The following EXD3 variants were observed in gnomAD, a reference collection of about 807,000 sequenced individuals.
EXD3 encodes the protein exonuclease mut-7 homolog.
EXD3 carries 92 observed loss-of-function variants against 98.0 expected under a neutral mutation model. The observed-to-expected ratio is 0.94, with a 90% CI of 0.79 to 1.12. The LOEUF (loss-of-function observed/expected upper bound fraction) is 1.12. Ranked by LOEUF, EXD3 falls within the 50% of genes most tolerant of loss-of-function variation. The probability of loss-of-function intolerance (pLI) is 0.00; values close to 1 mark genes in which losing one functional copy is unlikely to be tolerated. For synonymous variants in EXD3, 569 were observed against 526.0 expected (o/e 1.08, Z -1.12); for missense variants, 1,222 against 1,191.6 (o/e 1.03, Z -0.38).
At chr9:137,355,131 C>T (rs1834555692) in intron 8 of EXD3, among the ~76,000 whole-genome samples, 1 of 152,206 alleles carries the variant, frequency 6.6e-6, no homozygotes, top group Non-Finnish European at 1.5e-5. Context: ...ACAGAGCCGG[C>T]TGCTCACTGT....
At position 137,385,415 on chromosome 9, in the gene EXD3, C is replaced by T. The variant is rs1446515390; in HGVS notation, c.56-2038G>A. ...TGGCTGGCGATGGGGCCAGGGTGGGCTGGGCGGGGCGTGCTGTGGTGTGTT... is the reference window on the plus strand; with the variant it reads ...TGGCTGGCGATGGGGCCAGGGTGGGTTGGGCGGGGCGTGCTGTGGTGTGTT... On this transcript the variant is annotated intron_variant, in intron 2 of 21. Transcript: ENST00000340951. This position sits in a 1 kb window ranked among gnomAD's most constrained non-coding sequence, Gnocchi z 4.4. 7.1e-6 allele frequency among the ~76,000 whole-genome samples: 1 copy of T among 140,486 alleles called. No homozygotes were observed. Among genetic ancestry groups the T allele is most frequent in the Non-Finnish European group, 1.6e-5 (1 of 63,934 alleles). The allele number at this position is 140,486 out of a possible 152,430, so 92.2% of individuals were successfully genotyped here. A position where few individuals can be genotyped will look rare whatever the true frequency, so the allele number is the denominator to read the frequency against.
At chr9:137,367,399 G>A (rs1835318302) in intron 6 of EXD3, among the ~76,000 whole-genome samples, 2 of 152,130 alleles carry the variant, frequency 1.3e-5, no homozygotes, top group African/African-American at 2.4e-5. Flanking sequence ...TCTGCCCGAG[G>A]GGTGCTCACT....
intron 17 of EXD3, among the ~76,000 whole-genome samples, chr9:137,337,837 G>T (rs1833441946): frequency 6.6e-6 from 1 of 151,418 alleles, no homozygotes; most frequent in Admixed American, 6.6e-5. Flanking sequence ...GCCCAGGCTG[G>T]AGTGCAGTGA....
chr9:137,418,733 G>A (rs78993391), intron 1 of EXD3, among the ~76,000 whole-genome samples: 1,615 of 151,546 alleles, frequency 0.011, 45 homozygotes, highest in East Asian at 0.1. Context: ...GTAGTAATAA[G>A]AGATTGTAAA....
At position 137,328,622 on chromosome 9, in the gene EXD3, C is replaced by T. The variant is rs1439102732; in HGVS notation, c.1999-4479G>A. Among the ~76,000 whole-genome samples, 12 of 67,736 alleles carry T rather than the reference C, an allele frequency of 1.8e-4. 1 individual carries two copies. The highest frequency in any genetic ancestry group is 7.3e-4 in the African/African-American group (9 of 12,330). 44.4% of individuals were successfully genotyped at this position (67,736 alleles called of 152,430 possible). A position where few individuals can be genotyped will look rare whatever the true frequency, so the allele number is the denominator to read the frequency against. ...CGGGACTACACGGGGCTACACGGGA[C>T]TACACGGGACTACACGGGGCTACAC... is the stretch of plus-strand genomic sequence containing the variant. On this transcript the variant is annotated intron_variant, in intron 17 of 21. Coordinates refer to ENST00000340951, the MANE Select transcript of EXD3 (RefSeq NM_017820.5).
chr9:137,376,040 T>G (rs1328084724), intron 3 of EXD3, among the ~76,000 whole-genome samples: 2 of 152,088 alleles, frequency 1.3e-5, no homozygotes, highest in Non-Finnish European at 2.9e-5. Context: ...TCTTACTTAT[T>G]TCTTTAGAAA....
In EXD3 at chr9:137,324,359, G is replaced by A. The variant is rs773532650; in HGVS notation, c.1999-216C>T. Among the ~76,000 whole-genome samples the A allele has an allele frequency of 6.6e-6, 1 of 152,106 alleles. No individual in the cohort carries two copies. Among genetic ancestry groups the A allele is most frequent in the Non-Finnish European group, 1.5e-5 (1 of 68,016 alleles). ...TGTATAGATTTAATCTTGGCACCAC[G>A]CAAACATTTTTTTTTCATAATTAGA... On this transcript the variant is annotated intron_variant, in intron 17 of 21. Transcript: ENST00000340951. The surrounding 1 kb of genome is among the most constrained non-coding windows in gnomAD (Gnocchi z 4.1).
chr9:137,386,197 G>T (rs1836581971), intron 2 of EXD3, among the ~76,000 whole-genome samples: 1 of 152,070 alleles, frequency 6.6e-6, no homozygotes, highest in South Asian at 2.1e-4. Flanking sequence ...GGGAGGCTGG[G>T]GTGGGAGCAT....
chr9:137,338,135 C>G (rs1403848338), intron 17 of EXD3, among the ~76,000 whole-genome samples: 1 of 152,098 alleles, frequency 6.6e-6, no homozygotes, highest in African/African-American at 2.4e-5. Context: ...ATAAAAAGGA[C>G]CATCTACTTG....
chr9:137,415,872 G>A (rs1838207869), intron 1 of EXD3, among the ~76,000 whole-genome samples: 2 of 152,206 alleles, frequency 1.3e-5, no homozygotes, highest in Admixed American at 6.5e-5. Flanking sequence ...ATAAAGTCGC[G>A]TTGCCCTAAG....
chr9:137,374,472 C>A lies in EXD3; in HGVS notation c.121-873G>T, dbSNP rs1277932295. On this transcript the variant is annotated intron_variant, in intron 3 of 21. Transcript: ENST00000340951. ...TGGATGGTGTGCTCTCCACGGGGCT[C>A]CAGGAGCAACATCCTGAGGCTGCCG... 8.8e-6 allele frequency: 7 copies of A among 797,108 alleles called. No individual in the cohort carries two copies. The South Asian group carries it at 4.0e-4, about 45-fold the overall frequency. 49.4% of individuals were successfully genotyped at this position (797,108 alleles called of 1,614,324 possible).
chr9:137,386,474 C>T (rs931412987), intron 2 of EXD3, among the ~76,000 whole-genome samples: 2 of 151,832 alleles, frequency 1.3e-5, no homozygotes, highest in African/African-American at 2.4e-5. Flanking sequence ...AGGGTCTGCC[C>T]CCTCCCACCG....
Position 137,353,024 on chromosome 9 carries a change from G to A in EXD3, c.871-238C>T, listed in dbSNP as rs150346180. 8.6e-4 allele frequency: 1,163 copies of A among 1,348,144 alleles called. 2 individuals carry two copies. In the African/African-American group the frequency reaches 0.012, roughly 14 times the overall value. 83.5% of individuals were successfully genotyped at this position (1,348,144 alleles called of 1,614,324 possible). On this transcript the variant is annotated intron_variant, in intron 10 of 21. Coordinates refer to ENST00000340951, the MANE Select transcript of EXD3 (RefSeq NM_017820.5). ...AGGCTGTCCACCCCAGTGTAGCCCC[G>A]GCTGGCCTTCCGGGTCTCCAAGCCT...
In EXD3 at chr9:137,307,626, G is replaced by C; in HGVS notation, c.2299C>G (p.Gln767Glu). Residue 767 changes from glutamine to glutamate, a missense_variant, in exon 21 of 22, where the codon CAG (glutamine) becomes GAG (glutamate). Transcript: ENST00000340951. ...RSSGDEATQS[Q>E]AVQEPGPAPD... is the part of the protein sequence containing the mutation. ...GGCTCACCTGGCTCCTGCACCGCCTGGCTCTGGGTGGCCTCGTCACCTGTC... is the reference window on the plus strand; with the variant it reads ...GGCTCACCTGGCTCCTGCACCGCCTCGCTCTGGGTGGCCTCGTCACCTGTC... The C allele has an allele frequency of 1.2e-6, 2 of 1,610,214 alleles. No individual in the cohort carries two copies. The highest frequency in any genetic ancestry group is 1.7e-6 in the Non-Finnish European group (2 of 1,179,712).
chr9:137,323,873 C>T lies in EXD3; in HGVS notation c.2053-17G>A, dbSNP rs61377937. 70,863 of 1,600,756 alleles carry T rather than the reference C, an allele frequency of 0.044. 2,937 individuals are homozygous for T. The highest frequency in any genetic ancestry group is 0.2 in the African/African-American group (14,872 of 74,784). On this transcript the variant is annotated splice_polypyrimidine_tract_variant and intron_variant, in intron 18 of 21. Coordinates refer to ENST00000340951, the MANE Select transcript of EXD3 (RefSeq NM_017820.5). ...GGCCCGGAGCTGCAAAGACACGGCTCGGCTACTGAGGGGCAGTGCAGAGCC... is the reference window on the plus strand; with the variant it reads ...GGCCCGGAGCTGCAAAGACACGGCTTGGCTACTGAGGGGCAGTGCAGAGCC...
chr9:137,330,140 A>ACACAGGAG lies in EXD3; in HGVS notation c.1999-5998_1999-5997insCTCCTGTG, dbSNP rs1564481196. Reference sequence around the variant, plus strand: ...GGAGCTACACAGGAGCTACACAGGAACTACACCGGAGCTACACAGGACTAC... The same window carrying ACACAGGAG: ...GGAGCTACACAGGAGCTACACAGGAACACAGGAGCTACACCGGAGCTACACAGGACTAC... On this transcript the variant is annotated intron_variant, in intron 17 of 21. Transcript: ENST00000340951. Among the ~76,000 whole-genome samples, 197 of 87,674 alleles carry ACACAGGAG rather than the reference A, an allele frequency of 2.2e-3. 7 individuals are homozygous for ACACAGGAG. The highest frequency in any genetic ancestry group is 3.0e-3 in the Non-Finnish European group (132 of 43,624). 57.5% of individuals were successfully genotyped at this position (87,674 alleles called of 152,430 possible). A position where few individuals can be genotyped will look rare whatever the true frequency, so the allele number is the denominator to read the frequency against.
rs541761300 is a variant in EXD3 at position 137,342,527 on chromosome 9, C to T, written c.1998+5544G>A. Among the ~76,000 whole-genome samples, 24 of 152,264 alleles carry T rather than the reference C, an allele frequency of 1.6e-4. No homozygotes were observed. The South Asian group carries it at 4.8e-3, about 30-fold the overall frequency. On this transcript the variant is annotated intron_variant, in intron 17 of 21. Transcript: ENST00000340951. ...GAGAAGTTCATTAGGGACTCATTGC[C>T]TGAGGTTTTTACTGGGGGGTGGTCA...
intron 1 of EXD3, 63 bp downstream of exon 1, chr9:137,423,051 G>A (rs984613865): frequency 2.6e-5 from 4 of 151,822 alleles, no homozygotes; most frequent in African/African-American, 7.3e-5. Context: ...CACCCGGCCC[G>A]GCCCCGCTCT....
intron 1 of EXD3, among the ~76,000 whole-genome samples, chr9:137,409,544 C>CT (rs1837895728): frequency 6.6e-6 from 1 of 152,102 alleles, no homozygotes; most frequent in African/African-American, 2.4e-5. Context: ...TAGCGAGACT[C>CT]TGTTTCTATG....
Sources: allele counts gnomAD v4.1 joint callset (sites outside exome capture counted in the v4.1 genomes callset), GRCh38; gene constraint gnomAD v4.1.1; non-coding constraint Gnocchi (gnomAD v3.1); transcripts MANE v1.5; gene names NCBI Gene and HGNC (gene_info 2026-07-23, HGNC 2026-07-21).